Variants in GPR137C observed in about 807,000 individuals in gnomAD.
GPR137C encodes integral membrane protein GPR137C.
In GPR137C, 27 loss-of-function variants were observed where a neutral mutation model predicts 43.4. The observed-to-expected ratio is 0.62, with a 90% CI of 0.46 to 0.86. The LOEUF is 0.86. Among genes scored for constraint, GPR137C ranks in the 40% least tolerant of loss-of-function variants. The probability of loss-of-function intolerance (pLI) is 0.00; values close to 1 mark genes in which losing one functional copy is unlikely to be tolerated. For synonymous variants in GPR137C, 285 were observed against 226.9 expected (o/e 1.26, Z -2.30); for missense variants, 522 against 534.6 (o/e 0.98, Z 0.23).
At chr14:52,629,759 T>A (rs1262160255) in intron 3 of GPR137C, among the ~76,000 whole-genome samples, 1 of 151,866 alleles carries the variant, frequency 6.6e-6, no homozygotes, top group Non-Finnish European at 1.5e-5. Context: ...TTGGGTTACA[T>A]GTGTGTATAC....
At position 52,596,544 on chromosome 14, in the gene GPR137C, C is replaced by G. The variant is rs547370522; in HGVS notation, c.445-1728C>G. 4.6e-5 allele frequency among the ~76,000 whole-genome samples: 7 copies of G among 152,364 alleles called. No homozygotes were observed. In the South Asian group the frequency reaches 1.2e-3, roughly 27 times the overall value. ...CTCAACAATGGTGGATGCCCCTCCC[C>G]CTGCTGGGCTGCAGTGTTGCAGGTG... is the stretch of plus-strand genomic sequence containing the variant. On this transcript the variant is annotated intron_variant, in intron 1 of 6. Coordinates refer to ENST00000321662, the MANE Select transcript of GPR137C (RefSeq NM_001099652.2).
Position 52,553,087 on chromosome 14 carries a change from C to A in GPR137C, c.-61C>A. 1 of 949,022 alleles carries A rather than the reference C, an allele frequency of 1.1e-6. No homozygotes were observed. The highest frequency in any genetic ancestry group is 1.3e-6 in the Non-Finnish European group (1 of 761,170). The allele number at this position is 949,022 out of a possible 1,614,324, so 58.8% of individuals were successfully genotyped here. ...AGGGGGCAGTCCTTCTCCCCTTCGA[C>A]GGCGGCTCCGAGTCCAGCCCCTTCC... On this transcript the variant is annotated 5_prime_UTR_variant, in exon 1 of 7. Coordinates refer to ENST00000321662, the MANE Select transcript of GPR137C (RefSeq NM_001099652.2).
At chr14:52,561,960 T>A (rs2038291089) in intron 1 of GPR137C, among the ~76,000 whole-genome samples, 1 of 152,172 alleles carries the variant, frequency 6.6e-6, no homozygotes, top group Non-Finnish European at 1.5e-5. Context: ...ATGCAGTGTA[T>A]TGTATATAAA....
In GPR137C at chr14:52,633,812, A is replaced by G; in HGVS notation, c.994-16A>G. The G allele has an allele frequency of 6.4e-7, 1 of 1,571,822 alleles. No homozygotes were observed. The highest frequency in any genetic ancestry group is 1.1e-5 in the South Asian group (1 of 90,066). On this transcript the variant is annotated splice_polypyrimidine_tract_variant and intron_variant, in intron 5 of 6. Transcript: ENST00000321662. ...AAAGTAAAACCTTCATATGCTATCT[A>G]ATACTTTGTTCACAGGCACCTGCTG...
chr14:52,581,827 C>T (rs182071279), intron 1 of GPR137C, among the ~76,000 whole-genome samples: 86 of 152,234 alleles, frequency 5.6e-4, no homozygotes, highest in African/African-American at 2.0e-3. Flanking sequence ...TAGATATGCT[C>T]TCCAGTAAAG....
chr14:52,567,971 A>G (rs1211486869), intron 1 of GPR137C, among the ~76,000 whole-genome samples: 3 of 152,050 alleles, frequency 2.0e-5, no homozygotes, highest in African/African-American at 7.2e-5. Context: ...ATTGTTCTTA[A>G]GAAATCCAGA....
At chr14:52,608,444 T>C (rs916032759) in intron 3 of GPR137C, among the ~76,000 whole-genome samples, 1 of 152,236 alleles carries the variant, frequency 6.6e-6, no homozygotes, top group African/African-American at 2.4e-5. Flanking sequence ...AATTTGCATT[T>C]TTATATTGCC....
chr14:52,589,704 TA>T (rs1409579210), intron 1 of GPR137C, among the ~76,000 whole-genome samples: 1 of 152,182 alleles, frequency 6.6e-6, no homozygotes, highest in Non-Finnish European at 1.5e-5. Context: ...TTTCAGTCAA[TA>T]ACTCACCCCA....
At position 52,617,924 on chromosome 14, in the gene GPR137C, G is replaced by A. The variant is rs78561994; in HGVS notation, c.718-14236G>A. On this transcript the variant is annotated intron_variant, in intron 3 of 6. Coordinates refer to ENST00000321662, the MANE Select transcript of GPR137C (RefSeq NM_001099652.2). ...AATTAAAAAATACATAAAATGCTTG[G>A]TATATTGCCTACCACTAAAAAATTG... Among the ~76,000 whole-genome samples, 955 of 152,160 alleles carry A rather than the reference G, an allele frequency of 6.3e-3. 3 individuals carry two copies. Among genetic ancestry groups the A allele is most frequent in the African/African-American group, 0.021 (892 of 41,490 alleles).
At chr14:52,600,947 A>C (rs918324066) in intron 3 of GPR137C, among the ~76,000 whole-genome samples, 1 of 152,244 alleles carries the variant, frequency 6.6e-6, no homozygotes, top group Non-Finnish European at 1.5e-5. Context: ...ACTTCACCCA[A>C]TAATATGAAG....
rs769056681 is a variant in GPR137C at position 52,553,506 on chromosome 14, A to G, written c.359A>G (p.His120Arg). Reference protein sequence around the residue: ...LPLLRPPAHLHFFPHWLLYCF... With the variant: ...LPLLRPPAHLRFFPHWLLYCF... ...TTGCTCCGGCCGCCCGCTCACCTGCACTTCTTCCCCCACTGGCTGCTCTAC... is the reference window on the plus strand; with the variant it reads ...TTGCTCCGGCCGCCCGCTCACCTGCGCTTCTTCCCCCACTGGCTGCTCTAC... The change falls in exon 1 of 7, where the codon CAC becomes CGC. Residue 120 changes from histidine (H) to arginine (R), a missense_variant. His to Arg is a conservative substitution (Grantham distance 29). Coordinates refer to ENST00000321662, the MANE Select transcript of GPR137C (RefSeq NM_001099652.2). 60 of 1,609,084 alleles carry G rather than the reference A, an allele frequency of 3.7e-5. No homozygotes were observed. Among genetic ancestry groups the G allele is most frequent in the Admixed American group, 5.0e-5 (3 of 59,940 alleles).
intron 3 of GPR137C, among the ~76,000 whole-genome samples, chr14:52,608,587 G>C (rs1180751152): frequency 6.6e-6 from 1 of 152,092 alleles, no homozygotes; most frequent in Non-Finnish European, 1.5e-5. Context: ...TTTTCCTGTG[G>C]TTTAAAAAAA....
chr14:52,610,459 T>A (rs1051943385), intron 3 of GPR137C, among the ~76,000 whole-genome samples: 6 of 152,212 alleles, frequency 3.9e-5, no homozygotes, highest in African/African-American at 2.4e-5. Flanking sequence ...GAGAGAGAGA[T>A]GACCACATTC....
chr14:52,618,703 T>A (rs1472153855), intron 3 of GPR137C, among the ~76,000 whole-genome samples: 2 of 152,222 alleles, frequency 1.3e-5, no homozygotes, highest in Non-Finnish European at 2.9e-5. Context: ...GAATTATTTT[T>A]ATTCTAACAT....
At chr14:52,566,324 C>G (rs1189248829) in intron 1 of GPR137C, among the ~76,000 whole-genome samples, 1 of 152,168 alleles carries the variant, frequency 6.6e-6, no homozygotes, top group Non-Finnish European at 1.5e-5. Flanking sequence ...AAAATTTGTA[C>G]TCTCCTCAGC....
intron 1 of GPR137C, among the ~76,000 whole-genome samples, chr14:52,574,533 G>A (rs891610998): frequency 6.6e-6 from 1 of 152,102 alleles, no homozygotes; most frequent in Non-Finnish European, 1.5e-5. Flanking sequence ...TGGATACAGG[G>A]CGGGGAACAT....
intron 1 of GPR137C, among the ~76,000 whole-genome samples, chr14:52,581,622 T>A (rs7146570): frequency 0.089 from 13,611 of 152,178 alleles, 679 homozygotes; most frequent in South Asian, 0.15. Context: ...CATATTTTAT[T>A]TGCAGGCAAT....
At position 52,553,223 on chromosome 14, in the gene GPR137C, G is replaced by A; in HGVS notation, c.76G>A (p.Gly26Ser). ...AGREPSTPGG[G>S]SGGGGAVAAA... ...CCGCGAGCCCTCCACGCCCGGCGGGGGCAGCGGAGGCGGAGGCGCCGTCGC... is the reference window on the plus strand; with the variant it reads ...CCGCGAGCCCTCCACGCCCGGCGGGAGCAGCGGAGGCGGAGGCGCCGTCGC... The change falls in exon 1 of 7, where the codon GGC becomes AGC. Residue 26 changes from glycine (G) to serine (S), a missense_variant. Around this residue, in one of 3 missense-constraint regions of GPR137C, gnomAD observed 437 missense variants for 425.7 expected, o/e 1.03. Coordinates refer to ENST00000321662, the MANE Select transcript of GPR137C (RefSeq NM_001099652.2). The A allele has an allele frequency of 7.8e-7, 1 of 1,284,348 alleles. No individual in the cohort carries two copies. Among genetic ancestry groups the A allele is most frequent in the South Asian group, 2.5e-5 (1 of 40,044 alleles). The allele number at this position is 1,284,348 out of a possible 1,614,324, so 79.6% of individuals were successfully genotyped here. A position where few individuals can be genotyped will look rare whatever the true frequency, so the allele number is the denominator to read the frequency against.
intron 3 of GPR137C, among the ~76,000 whole-genome samples, chr14:52,621,108 G>T (rs989781279): frequency 2.6e-5 from 4 of 151,664 alleles, no homozygotes; most frequent in African/African-American, 4.8e-5. Context: ...TTTGTCTAGG[G>T]TCATTACAGT....
Sources: allele counts gnomAD v4.1 joint callset (sites outside exome capture counted in the v4.1 genomes callset), GRCh38; gene constraint gnomAD v4.1.1; regional missense constraint gnomAD v4.1.1; transcripts MANE v1.5; gene names NCBI Gene and HGNC (gene_info 2026-07-23, HGNC 2026-07-21).